Variants in GALNT18 observed in about 807,000 individuals in gnomAD.
GALNT18 encodes polypeptide N-acetylgalactosaminyltransferase 18, also known as GalNAc-transferase 18.
A neutral mutation model predicts 69.5 loss-of-function variants in GALNT18; 44 were observed. That is an observed-to-expected ratio of 0.63 (90% CI 0.50 to 0.81). The LOEUF is 0.81. Ranked by LOEUF, GALNT18 falls within the 40% of genes least tolerant of loss-of-function variation. The probability of loss-of-function intolerance (pLI) is 0.00; values close to 1 mark genes in which losing one functional copy is unlikely to be tolerated. For synonymous variants in GALNT18, 364 were observed against 318.2 expected (o/e 1.14, Z -1.53); for missense variants, 715 against 810.0 (o/e 0.88, Z 1.42).
intron 1 of GALNT18, among the ~76,000 whole-genome samples, chr11:11,579,872 A>T (rs1030963187): frequency 3.9e-5 from 6 of 152,134 alleles, no homozygotes; most frequent in African/African-American, 1.4e-4. Context: ...ATGTGGCTTG[A>T]ACATTCTGTA....
At chr11:11,351,984 A>AG (rs759566256) in intron 6 of GALNT18, 1 of 1,610,644 alleles carries the variant, frequency 6.2e-7, no homozygotes, top group Admixed American at 1.7e-5. Context: ...AGGCATCCCA[A>AG]GGGGGTTGGC....
At position 11,463,026 on chromosome 11, in the gene GALNT18, G is replaced by A. The variant is rs1353460250; in HGVS notation, c.236-14090C>T. On this transcript the variant is annotated intron_variant, in intron 1 of 10. Coordinates refer to ENST00000227756, the MANE Select transcript of GALNT18 (RefSeq NM_198516.3). This position sits in a 1 kb window ranked among gnomAD's most constrained non-coding sequence, Gnocchi z 4.2. The stretch of plus-strand genomic sequence containing the variant: ...GGGTCTAGATGTATAGCATGCACCT[G>A]CCCCTACAGGACAGGCAGGTGGGAG... Among the ~76,000 whole-genome samples the A allele has an allele frequency of 3.3e-5, 5 of 152,168 alleles. No individual in the cohort carries two copies. The highest frequency in any genetic ancestry group is 1.5e-5 in the Non-Finnish European group (1 of 68,012).
chr11:11,485,448 AGCCAGATGGAAGAAAT>A (rs1236775460), intron 1 of GALNT18, among the ~76,000 whole-genome samples: 1 of 152,262 alleles, frequency 6.6e-6, no homozygotes, highest in African/African-American at 2.4e-5. Flanking sequence ...ATAGATAAAC[AGCCAGATGGAAGAAAT>A]GCATGGTGTA....
At position 11,465,312 on chromosome 11, in the gene GALNT18, TG is replaced by T. The variant is rs1027969282; in HGVS notation, c.236-16377del. Among the ~76,000 whole-genome samples the T allele has an allele frequency of 1.3e-5, 2 of 152,030 alleles. No individual in the cohort carries two copies. The highest frequency in any genetic ancestry group is 4.8e-5 in the African/African-American group (2 of 41,394). On this transcript the variant is annotated intron_variant, in intron 1 of 10. Transcript: ENST00000227756. This position sits in a 1 kb window ranked among gnomAD's most constrained non-coding sequence, Gnocchi z 5.7. ...TTTCCCCTGAGACTGGGGAGTTGGG[TG>T]GGCAGGGTCATCCATCACACTGTGT...
At position 11,494,350 on chromosome 11, in the gene GALNT18, G is replaced by C. The variant is rs959677210; in HGVS notation, c.236-45414C>G. 2.0e-5 allele frequency among the ~76,000 whole-genome samples: 3 copies of C among 152,158 alleles called. No homozygotes were observed. The highest frequency in any genetic ancestry group is 4.4e-5 in the Non-Finnish European group (3 of 68,032). On this transcript the variant is annotated intron_variant, in intron 1 of 10. Transcript: ENST00000227756. The surrounding 1 kb of genome is among the most constrained non-coding windows in gnomAD (Gnocchi z 5.7). The stretch of plus-strand genomic sequence containing the variant: ...TGTCTAGGATCCCATGTGACCCTGA[G>C]AGCCTGCTTCCCCAGTCTATATTTG...
chr11:11,335,866 C>G (rs4372447), intron 7 of GALNT18, among the ~76,000 whole-genome samples: 53,701 of 151,910 alleles, frequency 0.35, 10,827 homozygotes, highest in Non-Finnish European at 0.46. Context: ...ACTCTCCCCT[C>G]GAGATGCTGG....
chr11:11,381,167 T>C (rs1853907838), intron 3 of GALNT18, among the ~76,000 whole-genome samples: 1 of 152,240 alleles, frequency 6.6e-6, no homozygotes, highest in Non-Finnish European at 1.5e-5. Flanking sequence ...TACAAGGTCT[T>C]CAAGCACCGT....
At chr11:11,352,792 C>T (rs745342184) in intron 6 of GALNT18, 82 of 1,613,964 alleles carry the variant, frequency 5.1e-5, no homozygotes, top group Middle Eastern at 1.6e-4. Context: ...AAAACCAAGG[C>T]GGGGGTTCGT....
intron 10 of GALNT18, among the ~76,000 whole-genome samples, chr11:11,283,822 ACTT>A (rs1718727402): frequency 6.6e-6 from 1 of 152,192 alleles, no homozygotes; most frequent in Non-Finnish European, 1.5e-5. Context: ...CACACAGAGA[ACTT>A]AATTGGAATG....
chr11:11,311,598 G>C (rs1204788678), intron 9 of GALNT18, among the ~76,000 whole-genome samples: 6 of 152,164 alleles, frequency 3.9e-5, no homozygotes, highest in African/African-American at 1.4e-4. Context: ...GGTGGCAGGA[G>C]AGACACTGAT....
intron 1 of GALNT18, among the ~76,000 whole-genome samples, chr11:11,553,794 C>T (rs1038049651): frequency 2.6e-5 from 4 of 152,102 alleles, no homozygotes; most frequent in Non-Finnish European, 5.9e-5. Context: ...TGAGCCAAGT[C>T]GCCCGCAGCT....
intron 9 of GALNT18, among the ~76,000 whole-genome samples, chr11:11,304,212 T>G (rs1240514792): frequency 1.3e-5 from 2 of 152,240 alleles, no homozygotes; most frequent in African/African-American, 4.8e-5. Flanking sequence ...TTCCTGCCTT[T>G]CCCGGTCAAC....
Position 11,372,471 on chromosome 11 carries a change from G to A in GALNT18, c.1092+44C>T, listed in dbSNP as rs376170955. 22 of 1,476,064 alleles carry A rather than the reference G, an allele frequency of 1.5e-5. No individual in the cohort carries two copies. The Admixed American group carries it at 3.2e-4, about 21-fold the overall frequency. The allele number at this position is 1,476,064 out of a possible 1,614,324, so 91.4% of individuals were successfully genotyped here. A position where few individuals can be genotyped will look rare whatever the true frequency, so the allele number is the denominator to read the frequency against. Reference sequence around the variant, plus strand: ...CTCCACCCCCAGACTCATTCACCCTGGTGGGAGCTGAGCCGAGCAGTTTGA... The same window carrying A: ...CTCCACCCCCAGACTCATTCACCCTAGTGGGAGCTGAGCCGAGCAGTTTGA... On this transcript the variant is annotated intron_variant, in intron 6 of 10. Coordinates refer to ENST00000227756, the MANE Select transcript of GALNT18 (RefSeq NM_198516.3). The surrounding 1 kb of genome is among the most constrained non-coding windows in gnomAD (Gnocchi z 4.9).
chr11:11,521,792 C>T (rs1857405533), intron 1 of GALNT18, among the ~76,000 whole-genome samples: 1 of 152,178 alleles, frequency 6.6e-6, no homozygotes, highest in Non-Finnish European at 1.5e-5. Flanking sequence ...ACCCAGCCCA[C>T]ACACCTTTGG....
At chr11:11,458,205 T>C (rs1326390787) in intron 1 of GALNT18, among the ~76,000 whole-genome samples, 1 of 152,216 alleles carries the variant, frequency 6.6e-6, no homozygotes, top group Non-Finnish European at 1.5e-5. Flanking sequence ...CTGTCAGAGG[T>C]CACTGTGAAG....
intron 1 of GALNT18, among the ~76,000 whole-genome samples, chr11:11,615,079 A>G (rs983300839): frequency 2.6e-5 from 4 of 152,140 alleles, no homozygotes; most frequent in African/African-American, 9.7e-5. Context: ...CACATGCAAC[A>G]GTTCATTCCA....
chr11:11,486,048 C>T (rs1000070326), intron 1 of GALNT18, among the ~76,000 whole-genome samples: 11 of 152,174 alleles, frequency 7.2e-5, no homozygotes, highest in South Asian at 2.1e-4. Context: ...ACCCAGGAGG[C>T]AGAGGCCACC....
Position 11,463,339 on chromosome 11 carries a change from A to T in GALNT18, c.236-14403T>A, listed in dbSNP as rs139453135. Among the ~76,000 whole-genome samples, 49 of 152,340 alleles carry T rather than the reference A, an allele frequency of 3.2e-4. No homozygotes were observed. In the East Asian group the frequency reaches 9.4e-3, roughly 29 times the overall value. ...CACTGCTTATAGCAAGAGCATTAAA[A>T]ATGTGTCATTTCAAAGATGAGAAAA... On this transcript the variant is annotated intron_variant, in intron 1 of 10. Transcript: ENST00000227756. The surrounding 1 kb of genome is among the most constrained non-coding windows in gnomAD (Gnocchi z 4.2).
At chr11:11,279,160 T>C (rs1428075001) in intron 10 of GALNT18, among the ~76,000 whole-genome samples, 1 of 152,176 alleles carries the variant, frequency 6.6e-6, no homozygotes, top group Non-Finnish European at 1.5e-5. Flanking sequence ...CTCACCACTC[T>C]CTCTCCTCCC....
Sources: allele counts gnomAD v4.1 joint callset (sites outside exome capture counted in the v4.1 genomes callset), GRCh38; gene constraint gnomAD v4.1.1; non-coding constraint Gnocchi (gnomAD v3.1); transcripts MANE v1.5; gene names NCBI Gene and HGNC (gene_info 2026-07-23, HGNC 2026-07-21).